Variants in PCDH15 observed in about 807,000 individuals in gnomAD.
The protein encoded by PCDH15 is protocadherin related 15, also known as protocadherin-15.
Under a neutral mutation model 178.5 loss-of-function variants are expected in PCDH15, and 129 were observed. That is an observed-to-expected ratio of 0.72 (90% CI 0.63 to 0.84). The LOEUF (loss-of-function observed/expected upper bound fraction) is 0.84. PCDH15 is among the 40% of genes least tolerant of loss of function. The pLI, the probability that PCDH15 is intolerant of heterozygous loss-of-function variation, is 0.00. For missense variants in PCDH15, 2,230 were observed against 2,099.9 expected (o/e 1.06, Z -1.21); for synonymous variants, 800 against 732.0 (o/e 1.09, Z -1.50).
At chr10:54,927,295 G>A (rs1837657271) in intron 2 of PCDH15, among the ~76,000 whole-genome samples, 1 of 152,116 alleles carries the variant, frequency 6.6e-6, no homozygotes, top group African/African-American at 2.4e-5. Context: ...TGTGGTGCAA[G>A]ATAGTGGTTG....
intron 2 of PCDH15, among the ~76,000 whole-genome samples, chr10:54,989,988 G>T (rs1839461576): frequency 6.6e-6 from 1 of 152,154 alleles, no homozygotes; most frequent in Non-Finnish European, 1.5e-5. Context: ...CCCTGCACAA[G>T]CTCTCTTTGC....
intron 1 of PCDH15, among the ~76,000 whole-genome samples, chr10:55,217,062 C>A (rs762727646): frequency 4.6e-5 from 7 of 151,806 alleles, no homozygotes; most frequent in Non-Finnish European, 1.0e-4. Flanking sequence ...TATAAAAGTT[C>A]TTCACAGAAG....
chr10:53,945,837 GTATATATATA>G (rs56389905), intron 23 of PCDH15, among the ~76,000 whole-genome samples: 7,437 of 119,196 alleles, frequency 0.062, 353 homozygotes, highest in East Asian at 0.15. Context: ...ATATTTCATT[GTATATATATA>G]TATATATATA....
At chr10:54,191,481 C>T (rs895136614) in intron 11 of PCDH15, among the ~76,000 whole-genome samples, 26 of 152,198 alleles carry the variant, frequency 1.7e-4, no homozygotes, top group African/African-American at 5.3e-4. Flanking sequence ...ATGAAAGAAA[C>T]GACAAGCAGT....
chr10:54,748,078 T>C (rs1440883430), intron 1 of PCDH15, among the ~76,000 whole-genome samples: 17 of 152,110 alleles, frequency 1.1e-4, no homozygotes, highest in Admixed American at 1.1e-3. Flanking sequence ...GTGCTGGAAT[T>C]ACAAGGCGTG....
At chr10:54,450,159 T>A (rs938888874) in intron 3 of PCDH15, among the ~76,000 whole-genome samples, 13 of 126,566 alleles carry the variant, frequency 1.0e-4, no homozygotes, top group South Asian at 2.5e-4. Flanking sequence ...ATATATATAT[T>A]ATACTTTAAG....
intron 3 of PCDH15, among the ~76,000 whole-genome samples, chr10:54,445,979 T>A (rs1565297034): frequency 6.6e-6 from 1 of 151,632 alleles, no homozygotes; most frequent in Non-Finnish European, 1.5e-5. Flanking sequence ...CACAACACTG[T>A]ATATGCTCTG....
At chr10:54,058,008 A>T (rs757773460) in intron 18 of PCDH15, among the ~76,000 whole-genome samples, 22 of 152,194 alleles carry the variant, frequency 1.4e-4, no homozygotes, top group Non-Finnish European at 2.5e-4. Flanking sequence ...TTTATTGTCC[A>T]TATCACTATC....
chr10:54,161,347 G>A (rs1028106407), intron 13 of PCDH15, among the ~76,000 whole-genome samples: 3 of 152,108 alleles, frequency 2.0e-5, no homozygotes, highest in Non-Finnish European at 4.4e-5. Flanking sequence ...CCTAGACAAG[G>A]AAAACTTTTA....
chr10:53,851,777 C>T (rs571440457), intron 28 of PCDH15, among the ~76,000 whole-genome samples: 20 of 139,496 alleles, frequency 1.4e-4, no homozygotes, highest in East Asian at 2.0e-4. Flanking sequence ...ATTCTATATA[C>T]GTAATATATA....
intron 2 of PCDH15, among the ~76,000 whole-genome samples, chr10:54,648,810 T>C (rs922860179): frequency 6.6e-5 from 10 of 152,190 alleles, no homozygotes; most frequent in Non-Finnish European, 1.3e-4. Context: ...TATAATGATA[T>C]ATATTTTTTT....
chr10:54,813,918 C>A (rs537070724), intron 3 of PCDH15, among the ~76,000 whole-genome samples: 29 of 152,246 alleles, frequency 1.9e-4, no homozygotes, highest in Admixed American at 3.3e-4. Context: ...CTCCTCTTGT[C>A]TACCTACATT....
chr10:53,812,145 G>T (rs911758701), intron 35 of PCDH15, among the ~76,000 whole-genome samples: 2 of 152,086 alleles, frequency 1.3e-5, no homozygotes, highest in Admixed American at 6.5e-5. Flanking sequence ...AATGTGTAAT[G>T]CTTCCCAAGG....
intron 2 of PCDH15, among the ~76,000 whole-genome samples, chr10:55,115,232 C>T (rs972243615): frequency 1.8e-4 from 27 of 152,026 alleles, no homozygotes; most frequent in Admixed American, 3.9e-4. Context: ...AAAGTGGCTG[C>T]GTCTAAACCA....
chr10:54,070,934 A>G (rs1378880697), intron 17 of PCDH15, among the ~76,000 whole-genome samples: 1 of 151,976 alleles, frequency 6.6e-6, no homozygotes, highest in African/African-American at 2.4e-5. Context: ...TTAATAGTAT[A>G]AAAAAAGTGA....
intron 24 of PCDH15, 55 bp from the exon 25 acceptor site, chr10:53,939,010 ATT>A: frequency 6.4e-7 from 1 of 1,571,698 alleles, no homozygotes; most frequent in Non-Finnish European, 8.7e-7. Context: ...AAGGAAAGAA[ATT>A]CTCTTTAAAA....
intron 21 of PCDH15, among the ~76,000 whole-genome samples, chr10:53,964,802 G>A (rs556612316): frequency 2.6e-5 from 4 of 152,192 alleles, no homozygotes; most frequent in Non-Finnish European, 5.9e-5. Flanking sequence ...GACAGAATCA[G>A]ACTTATTATA....
chr10:54,539,636 G>C (rs1238207616), intron 2 of PCDH15, among the ~76,000 whole-genome samples: 1 of 152,094 alleles, frequency 6.6e-6, no homozygotes. Context: ...GAGCATAATT[G>C]ATGTTTACAG....
chr10:55,452,523 A>T (rs1316485253), intron 2 of PCDH15, among the ~76,000 whole-genome samples: 3 of 152,178 alleles, frequency 2.0e-5, no homozygotes, highest in African/African-American at 7.2e-5. Context: ...CCCACAATAG[A>T]AATAGTGAAT....
Sources: gnomAD v4.1 joint callset for allele counts (sites outside exome capture counted in the v4.1 genomes callset) on GRCh38, gnomAD v4.1.1 for gene constraint, MANE v1.5 for transcripts, NCBI Gene and HGNC (gene_info 2026-07-23, HGNC 2026-07-21) for gene names.